The following PREP variants were observed in gnomAD, a reference collection of about 807,000 sequenced individuals.
PREP encodes prolyl endopeptidase, also known as dJ355L5.1 (prolyl endopeptidase).
In PREP, 29 loss-of-function variants were observed where a neutral mutation model predicts 87.6. The ratio of observed to expected loss-of-function variants is 0.33; its 90% CI spans 0.25 to 0.45. The LOEUF is 0.45. PREP is among the 20% of genes least tolerant of loss of function. The pLI is 1.00. For missense variants in PREP, 695 were observed against 886.5 expected (o/e 0.78, Z 2.74); for synonymous variants, 337 against 328.6 (o/e 1.03, Z -0.28).
chr6:105,284,822 G>A (rs1770156949), intron 12 of PREP, among the ~76,000 whole-genome samples: 1 of 152,200 alleles, frequency 6.6e-6, no homozygotes, highest in African/African-American at 2.4e-5. Flanking sequence ...CAAAAAAATT[G>A]TGACCATTTG....
chr6:105,294,035 T>A (rs1353509045), intron 10 of PREP, among the ~76,000 whole-genome samples: 3 of 152,218 alleles, frequency 2.0e-5, no homozygotes, highest in Non-Finnish European at 1.5e-5. Context: ...TTTCTCATTG[T>A]CCTGAATTTG....
chr6:105,280,407 T>C lies in PREP; in HGVS notation c.1838+1339A>G, dbSNP rs191027934. Among the ~76,000 whole-genome samples, 7 of 152,050 alleles carry C rather than the reference T, an allele frequency of 4.6e-5. No homozygotes were observed. In the East Asian group the frequency reaches 1.3e-3, roughly 29 times the overall value. On this transcript the variant is annotated intron_variant, in intron 14 of 14. Transcript: ENST00000652536. ...CAGTCTGAGAGCCAAACACTGGTGA[T>C]TAAAAATAAAACTCTTACATATGGG...
intron 10 of PREP, chr6:105,322,459 CCTGT>C (rs1230927273): frequency 4.1e-6 from 4 of 985,304 alleles, no homozygotes; most frequent in Non-Finnish European, 4.8e-6. Context: ...GGATTTCAGG[CCTGT>C]CTGACAGAGC....
intron 13 of PREP, 94 bp from the exon 14 acceptor site, chr6:105,281,996 G>T: frequency 7.0e-7 from 1 of 1,429,198 alleles, no homozygotes. Flanking sequence ...TGCTTCCAGA[G>T]CCCTGGTTGC....
intron 7 of PREP, among the ~76,000 whole-genome samples, chr6:105,342,326 T>A (rs1268067936): frequency 2.0e-5 from 3 of 152,166 alleles, no homozygotes; most frequent in East Asian, 3.8e-4. Flanking sequence ...CTGACAAAAT[T>A]CAACAGCCTT....
intron 9 of PREP, among the ~76,000 whole-genome samples, chr6:105,324,224 A>T (rs566879713): frequency 6.6e-6 from 1 of 152,314 alleles, no homozygotes; most frequent in East Asian, 1.9e-4. Flanking sequence ...GTCAAGAGCC[A>T]GTCAGGGGTC....
At chr6:105,285,365 A>G (rs1770170307) in intron 12 of PREP, 121 bp downstream of exon 12, 1 of 860,114 alleles carries the variant, frequency 1.2e-6, no homozygotes, top group African/African-American at 1.7e-5. Context: ...CTTGTTTTTC[A>G]TTCGTCTAGC....
At chr6:105,285,418 A>AG in intron 12 of PREP, 68 bp downstream of exon 12, 1 of 1,490,032 alleles carries the variant, frequency 6.7e-7, no homozygotes, top group Non-Finnish European at 9.3e-7. Flanking sequence ...TCATTCAAAC[A>AG]GGAAGGATCA....
Position 105,333,300 on chromosome 6 carries a change from A to T in PREP, c.1015+14T>A, listed in dbSNP as rs750707241. 6.2e-7 allele frequency: 1 copy of T among 1,606,372 alleles called. No homozygotes were observed. Among genetic ancestry groups the T allele is most frequent in the Non-Finnish European group, 8.5e-7 (1 of 1,173,418 alleles). ...AAAACAAGAGCACAATTTTCAAGTCACATGTGTTCTCACCTAAGACATCTT... is the reference window on the plus strand; with the variant it reads ...AAAACAAGAGCACAATTTTCAAGTCTCATGTGTTCTCACCTAAGACATCTT... On this transcript the variant is annotated intron_variant, in intron 8 of 14. Transcript: ENST00000652536.
chr6:105,382,531 T>TA (rs561274342), intron 2 of PREP, among the ~76,000 whole-genome samples: 1 of 152,042 alleles, frequency 6.6e-6, no homozygotes, highest in Non-Finnish European at 1.5e-5. Flanking sequence ...ACTGTTCACT[T>TA]AAAAAAAACT....
intron 7 of PREP, among the ~76,000 whole-genome samples, chr6:105,350,708 A>C (rs1771926766): frequency 6.6e-6 from 1 of 152,206 alleles, no homozygotes; most frequent in African/African-American, 2.4e-5. Context: ...CTAAGAATGA[A>C]AACTGATATC....
chr6:105,364,735 G>A (rs1772342026), intron 6 of PREP, among the ~76,000 whole-genome samples: 1 of 152,190 alleles, frequency 6.6e-6, no homozygotes, highest in African/African-American at 2.4e-5. Context: ...ACCTTGAACA[G>A]ATTAAGTGAC....
chr6:105,324,405 A>G (rs1583055826), intron 9 of PREP, among the ~76,000 whole-genome samples: 4 of 152,386 alleles, frequency 2.6e-5, no homozygotes, highest in Admixed American at 2.6e-4. Flanking sequence ...ATACATACTA[A>G]GAATTCCAGC....
In PREP at chr6:105,387,944, A is replaced by C. The variant is rs544763041; in HGVS notation, c.120+9909T>G. ...CACCGCATCCCCCTTATTTAACCCA[A>C]TACTCAGCACAGTGGGCACCTAGAT... On this transcript the variant is annotated intron_variant, in intron 2 of 14. Transcript: ENST00000652536. 7.9e-5 allele frequency among the ~76,000 whole-genome samples: 12 copies of C among 152,256 alleles called. No individual in the cohort carries two copies. In the South Asian group the frequency reaches 2.5e-3, roughly 32 times the overall value.
At chr6:105,292,700 A>G (rs749651767) in intron 10 of PREP, among the ~76,000 whole-genome samples, 9 of 152,196 alleles carry the variant, frequency 5.9e-5, no homozygotes, top group Non-Finnish European at 1.0e-4. Flanking sequence ...GTCTGAGATG[A>G]TATCTTCTCC....
At chr6:105,398,927 C>G (rs1773352971) in intron 1 of PREP, among the ~76,000 whole-genome samples, 1 of 151,904 alleles carries the variant, frequency 6.6e-6, no homozygotes, top group African/African-American at 2.4e-5. Context: ...GGCCAACATG[C>G]TGAAATCCTG....
chr6:105,282,683 T>A, intron 12 of PREP, 101 bp from the exon 13 acceptor site: 4 of 1,362,908 alleles, frequency 2.9e-6, no homozygotes, highest in Non-Finnish European at 4.0e-6. Flanking sequence ...AAATACTGAT[T>A]AACTTAAAAA....
chr6:105,303,112 CATGT>C (rs141833268), intron 10 of PREP, among the ~76,000 whole-genome samples: 3,215 of 150,752 alleles, frequency 0.021, 62 homozygotes, highest in Middle Eastern at 0.041. Context: ...AAATGAAGTC[CATGT>C]ATGTATGTAT....
chr6:105,329,683 T>C (rs1771270385), intron 8 of PREP, among the ~76,000 whole-genome samples: 1 of 152,228 alleles, frequency 6.6e-6, no homozygotes. Flanking sequence ...CAGGATTGTT[T>C]ATTAGATAAA....
Sources: allele counts gnomAD v4.1 joint callset (sites outside exome capture counted in the v4.1 genomes callset), GRCh38; gene constraint gnomAD v4.1.1; transcripts MANE v1.5; gene names NCBI Gene and HGNC (gene_info 2026-07-23, HGNC 2026-07-21).